MEOX2: variants seen among roughly 807,000 people sequenced by gnomAD.
MEOX2 encodes mesenchyme homeobox 2.
Under a neutral mutation model 27.0 loss-of-function variants are expected in MEOX2, and 11 were observed. The observed-to-expected ratio is 0.41, with a 90% confidence interval of 0.26 to 0.68. The LOEUF is 0.68. Among genes scored for constraint, MEOX2 ranks in the 30% least tolerant of loss-of-function variants. MEOX2 has a pLI of 0.33. For missense variants in MEOX2, 436 were observed against 385.4 expected, an observed-to-expected ratio of 1.13 and a Z score of -1.10; for synonymous variants, 189 against 155.4, an observed-to-expected ratio of 1.22 and a Z score of -1.61.
chr7:15,666,491 T>C (rs1583782399), intron 1 of MEOX2, among the ~76,000 whole-genome samples: 1 of 151,988 alleles, frequency 6.6e-6, no homozygotes, highest in South Asian at 2.1e-4. Context: ...AGGTGGCTCA[T>C]GCCTGTAATC....
At chr7:15,620,120 C>T (rs1344977177) in intron 2 of MEOX2, among the ~76,000 whole-genome samples, 4 of 152,006 alleles carry the variant, frequency 2.6e-5, no homozygotes, top group Non-Finnish European at 4.4e-5. Flanking sequence ...CTCTCATATC[C>T]CATCGTCAAC....
chr7:15,681,302 A>G (rs1781345115), intron 1 of MEOX2: 1 of 151,760 alleles, frequency 6.6e-6, no homozygotes, highest in South Asian at 2.1e-4. Context: ...TTAAAATCTA[A>G]AAAACCTTCA....
At chr7:15,640,667 A>C (rs1472962530) in intron 1 of MEOX2, among the ~76,000 whole-genome samples, 4 of 152,158 alleles carry the variant, frequency 2.6e-5, no homozygotes, top group Non-Finnish European at 5.9e-5. Flanking sequence ...TGGGTTTGTC[A>C]TACATGGCTC....
At chr7:15,678,361 A>G (rs1782236357) in intron 1 of MEOX2, among the ~76,000 whole-genome samples, 1 of 151,950 alleles carries the variant, frequency 6.6e-6, no homozygotes, top group Admixed American at 6.5e-5. Flanking sequence ...TGTGAAAGTT[A>G]TTTGCTAAAT....
At chr7:15,640,292 C>T (rs763277345) in intron 1 of MEOX2, among the ~76,000 whole-genome samples, 26 of 150,272 alleles carry the variant, frequency 1.7e-4, no homozygotes, top group Non-Finnish European at 1.3e-4. Context: ...TTCTGGCTAC[C>T]GTGAAGGAGA....
chr7:15,651,043 G>A (rs1189180367), intron 1 of MEOX2, among the ~76,000 whole-genome samples: 2 of 152,016 alleles, frequency 1.3e-5, no homozygotes, highest in Non-Finnish European at 2.9e-5. Flanking sequence ...TGGAAACAAG[G>A]ACGTGGAGCA....
At chr7:15,653,834 T>A (rs745431557) in intron 1 of MEOX2, among the ~76,000 whole-genome samples, 36 of 151,962 alleles carry the variant, frequency 2.4e-4, no homozygotes, top group Admixed American at 2.2e-3. Flanking sequence ...ATGTAATACA[T>A]CAAAATAGAA....
chr7:15,612,778 A>C (rs1343311422), intron 2 of MEOX2, among the ~76,000 whole-genome samples, 167 bp from the exon 3 acceptor site: 1 of 152,234 alleles, frequency 6.6e-6, no homozygotes, highest in Non-Finnish European at 1.5e-5. Flanking sequence ...ATCAGGTTAC[A>C]TGTTCATGAT....
intron 1 of MEOX2, among the ~76,000 whole-genome samples, chr7:15,649,057 G>C (rs1462733319): frequency 5.3e-5 from 8 of 152,014 alleles, no homozygotes; most frequent in Non-Finnish European, 1.5e-5. Flanking sequence ...CCATCTCCAG[G>C]ATTCCTCATC....
intron 2 of MEOX2, among the ~76,000 whole-genome samples, chr7:15,616,956 C>T (rs540839693): frequency 6.6e-6 from 1 of 152,124 alleles, no homozygotes; most frequent in South Asian, 2.1e-4. Context: ...ACATTACACC[C>T]TTTACCATGT....
chr7:15,621,222 T>A (rs1781218374), intron 2 of MEOX2, among the ~76,000 whole-genome samples: 1 of 152,240 alleles, frequency 6.6e-6, no homozygotes, highest in Non-Finnish European at 1.5e-5. Flanking sequence ...AACTAGAAGC[T>A]GTAAGTTAGA....
chr7:15,627,102 T>C (rs1005547944), intron 1 of MEOX2, among the ~76,000 whole-genome samples, 184 bp from the exon 2 acceptor site: 1 of 151,998 alleles, frequency 6.6e-6, no homozygotes, highest in Admixed American at 6.6e-5. Flanking sequence ...ATTTTTTTCA[T>C]CTTCCTTCAG....
chr7:15,637,921 C>G (rs796167647), intron 1 of MEOX2, among the ~76,000 whole-genome samples: 14 of 152,010 alleles, frequency 9.2e-5, no homozygotes, highest in African/African-American at 3.4e-4. Flanking sequence ...TTCAATAATA[C>G]AAACCTACTA....
chr7:15,676,539 T>C (rs1193904973), intron 1 of MEOX2, among the ~76,000 whole-genome samples: 1 of 152,122 alleles, frequency 6.6e-6, no homozygotes, highest in Non-Finnish European at 1.5e-5. Context: ...TGTTTCCTCT[T>C]GACTAAATGC....
At chr7:15,644,366 G>C (rs551519906) in intron 1 of MEOX2, among the ~76,000 whole-genome samples, 24 of 152,166 alleles carry the variant, frequency 1.6e-4, no homozygotes, top group Non-Finnish European at 3.1e-4. Flanking sequence ...GGTGCCTGGA[G>C]TTTCCCTCTT....
chr7:15,628,572 G>A (rs1224375434), intron 1 of MEOX2, among the ~76,000 whole-genome samples: 1 of 152,100 alleles, frequency 6.6e-6, no homozygotes, highest in African/African-American at 2.4e-5. Context: ...GCTTTATCCA[G>A]CACCAAAGTA....
intron 1 of MEOX2, among the ~76,000 whole-genome samples, chr7:15,641,913 C>G (rs560211800): frequency 2.0e-5 from 3 of 151,618 alleles, no homozygotes; most frequent in African/African-American, 7.3e-5. Flanking sequence ...TGTTGCCATT[C>G]GAAAAAAAAG....
At chr7:15,645,161 GATA>G (rs1243964459) in intron 1 of MEOX2, among the ~76,000 whole-genome samples, 2 of 152,268 alleles carry the variant, frequency 1.3e-5, no homozygotes, top group South Asian at 2.1e-4. Context: ...CTATAAAACT[GATA>G]ATATTTTTCT....
chr7:15,620,572 A>G (rs1781206752), intron 2 of MEOX2, among the ~76,000 whole-genome samples: 1 of 151,966 alleles, frequency 6.6e-6, no homozygotes, highest in East Asian at 1.9e-4. Flanking sequence ...AACAACAACA[A>G]CAAAAAAGCA....
Sources: gnomAD v4.1 joint callset for allele counts (sites outside exome capture counted in the v4.1 genomes callset) on GRCh38, gnomAD v4.1.1 for gene constraint, MANE v1.5 for transcripts, NCBI Gene and HGNC (gene_info 2026-07-23, HGNC 2026-07-21) for gene names.